Variants in AACS observed in about 807,000 individuals in gnomAD.
AACS encodes acetoacetyl-CoA synthetase.
AACS carries 69 observed loss-of-function variants against 83.1 expected under a neutral mutation model. The observed-to-expected ratio is 0.83, with a 90% CI of 0.68 to 1.01. The LOEUF (loss-of-function observed/expected upper bound fraction) is 1.01, where lower values mean the gene tolerates loss of function less well. Ranked by LOEUF, AACS falls within the 50% of genes least tolerant of loss-of-function variation. The pLI is 0.00. For missense variants in AACS, 866 were observed against 882.2 expected (o/e 0.98, Z 0.23); for synonymous variants, 333 against 343.4 (o/e 0.97, Z 0.33).
intron 10 of AACS, chr12:125,121,003 G>T (rs1258088280): frequency 6.6e-6 from 1 of 152,336 alleles, no homozygotes; most frequent in Admixed American, 6.5e-5. Flanking sequence ...GCATGTACCT[G>T]TGTACACGCG....
At chr12:125,071,932 A>G (rs1431695206) in intron 1 of AACS, among the ~76,000 whole-genome samples, 1 of 152,050 alleles carries the variant, frequency 6.6e-6, no homozygotes, top group Admixed American at 6.6e-5. Context: ...ATCTCGGCTC[A>G]CTGCAACCTC....
Position 125,142,615 on chromosome 12 carries a change from T to C in AACS, c.*386T>C. ...CCATTTTGCTCTGTGAAGGTGCAAATCCCTTTCTTCCCTTCCCATCTCAGG... is the reference window on the plus strand; with the variant it reads ...CCATTTTGCTCTGTGAAGGTGCAAACCCCTTTCTTCCCTTCCCATCTCAGG... On this transcript the variant is annotated 3_prime_UTR_variant, in exon 18 of 18. Transcript: ENST00000316519. 1 of 166,354 alleles carries C rather than the reference T, an allele frequency of 6.0e-6. No individual in the cohort carries two copies. 10.3% of individuals were successfully genotyped at this position (166,354 alleles called of 1,614,324 possible).
rs545097256 is a variant in AACS at position 125,081,858 on chromosome 12, C to G, written c.359-4472C>G. 2.4e-3 allele frequency among the ~76,000 whole-genome samples: 361 copies of G among 147,558 alleles called. 2 individuals are homozygous for G. Among genetic ancestry groups the G allele is most frequent in the Non-Finnish European group, 4.8e-3 (319 of 67,102 alleles). ...AAGGGCAGACGCGTACAACTCTAGGCAAATAGGAAAAAAAAAACGAGTTTT... is the reference window on the plus strand; with the variant it reads ...AAGGGCAGACGCGTACAACTCTAGGGAAATAGGAAAAAAAAAACGAGTTTT... On this transcript the variant is annotated intron_variant, in intron 3 of 17. Transcript: ENST00000316519.
At chr12:125,089,804 A>G (rs985471947) in intron 4 of AACS, among the ~76,000 whole-genome samples, 4 of 151,034 alleles carry the variant, frequency 2.6e-5, no homozygotes, top group African/African-American at 9.7e-5. Context: ...TCATCTACCC[A>G]TCCATCCATC....
chr12:125,078,613 G>T (rs1010800391), intron 3 of AACS, among the ~76,000 whole-genome samples: 2 of 152,182 alleles, frequency 1.3e-5, no homozygotes, highest in Admixed American at 6.5e-5. Flanking sequence ...CTGAAGTCAG[G>T]AGTTCGAGAC....
intron 5 of AACS, among the ~76,000 whole-genome samples, chr12:125,100,455 T>A (rs1477522254): frequency 2.6e-5 from 4 of 152,226 alleles, no homozygotes; most frequent in Admixed American, 2.6e-4. Context: ...TTCTGATAGA[T>A]CGTATGTTCT....
chr12:125,133,825 C>T (rs898787044), intron 14 of AACS, among the ~76,000 whole-genome samples, 178 bp from the exon 15 acceptor site: 11 of 152,212 alleles, frequency 7.2e-5, no homozygotes, highest in African/African-American at 1.2e-4. Context: ...GCAGCAGCCC[C>T]GCTAGAGGGC....
At chr12:125,125,475 G>A (rs2136126850) in intron 12 of AACS, among the ~76,000 whole-genome samples, 1 of 152,322 alleles carries the variant, frequency 6.6e-6, no homozygotes, top group African/African-American at 2.4e-5. Context: ...CAGGGAGGCT[G>A]TGTCGCCTTG....
At chr12:125,141,302 G>T in intron 17 of AACS, 1 of 152,924 alleles carries the variant, frequency 6.5e-6, no homozygotes. Flanking sequence ...GGGGTCAGTG[G>T]GGTGTCTGGA....
intron 5 of AACS, among the ~76,000 whole-genome samples, chr12:125,100,640 C>T (rs987768083): frequency 6.6e-6 from 1 of 152,198 alleles, no homozygotes; most frequent in Non-Finnish European, 1.5e-5. Flanking sequence ...CAGAAATTCT[C>T]AAATTTTATC....
Position 125,076,490 on chromosome 12 carries a change from G to T in AACS, c.238-1G>T, listed in dbSNP as rs777886245. Reference sequence around the variant, plus strand: ...TCTTGGTTTGTTGTCATTCTCTATAGGTTGTGGACACATCGAAAGGAATCG... The same window carrying T: ...TCTTGGTTTGTTGTCATTCTCTATATGTTGTGGACACATCGAAAGGAATCG... On this transcript the variant is annotated splice_acceptor_variant, in intron 2 of 17. Coordinates refer to ENST00000316519, the MANE Select transcript of AACS (RefSeq NM_023928.5). LOFTEE classifies it high-confidence loss of function. 1.5e-5 allele frequency: 25 copies of T among 1,613,942 alleles called. No homozygotes were observed. The highest frequency in any genetic ancestry group is 2.0e-5 in the Non-Finnish European group (24 of 1,179,934).
Position 125,073,995 on chromosome 12 carries a change from C to G in AACS, c.237+16C>G, listed in dbSNP as rs1437718882. 6.3e-7 allele frequency: 1 copy of G among 1,579,768 alleles called. No individual in the cohort carries two copies. Among genetic ancestry groups the G allele is most frequent in the South Asian group, 1.1e-5 (1 of 88,678 alleles). On this transcript the variant is annotated intron_variant, in intron 2 of 17. Transcript: ENST00000316519. ...GTATGATGAGGTAAGTAGAGATTTT[C>G]CGTGGATATCATCTCTTTTTGTGGT...
chr12:125,094,664 A>G lies in AACS; in HGVS notation c.570+3141A>G, dbSNP rs922049863. ...TACCCATTCCATGCTCTCTCCCACC[A>G]CTGCCCACCTCCTTCTGCCTGCTCT... On this transcript the variant is annotated intron_variant, in intron 5 of 17. Coordinates refer to ENST00000316519, the MANE Select transcript of AACS (RefSeq NM_023928.5). The surrounding 1 kb of genome is among the most constrained non-coding windows in gnomAD (Gnocchi z 4.1). 1.3e-5 allele frequency among the ~76,000 whole-genome samples: 2 copies of G among 151,908 alleles called. No homozygotes were observed. The highest frequency in any genetic ancestry group is 4.8e-5 in the African/African-American group (2 of 41,342).
intron 3 of AACS, among the ~76,000 whole-genome samples, chr12:125,082,259 C>T (rs1051453680): frequency 1.3e-5 from 2 of 151,266 alleles, no homozygotes; most frequent in African/African-American, 4.9e-5. Flanking sequence ...GTAGCCTTGA[C>T]CTCCTGGGCT....
intron 3 of AACS, among the ~76,000 whole-genome samples, chr12:125,078,681 C>T (rs1034850408): frequency 6.6e-6 from 1 of 151,940 alleles, no homozygotes; most frequent in Admixed American, 6.6e-5. Flanking sequence ...ATTAGCCAGG[C>T]GTGGTGGTGG....
chr12:125,070,104 A>C (rs1565919100), intron 1 of AACS, among the ~76,000 whole-genome samples: 1 of 152,192 alleles, frequency 6.6e-6, no homozygotes, highest in Non-Finnish European at 1.5e-5. Flanking sequence ...CTTTTGGATT[A>C]AGTAAAGGTT....
chr12:125,107,703 A>G lies in AACS; in HGVS notation c.915+435A>G, dbSNP rs115690180. 1.5e-3 allele frequency among the ~76,000 whole-genome samples: 232 copies of G among 152,346 alleles called. 1 individual carries two copies. Among genetic ancestry groups the G allele is most frequent in the African/African-American group, 5.4e-3 (223 of 41,586 alleles). On this transcript the variant is annotated intron_variant, in intron 8 of 17. Transcript: ENST00000316519. ...GTGCCAGACGCAATGGCCCACACCT[A>G]TAACCCCAGCACTTTGGGAACCTGA... is the stretch of plus-strand genomic sequence containing the variant.
At chr12:125,098,200 C>T (rs184558219) in intron 5 of AACS, among the ~76,000 whole-genome samples, 127 of 152,040 alleles carry the variant, frequency 8.4e-4, no homozygotes, top group African/African-American at 2.9e-3. Flanking sequence ...GAGGCAGAGG[C>T]GGATGGATCA....
chr12:125,142,143 G>C lies in AACS; in HGVS notation c.1933G>C (p.Gly645Arg), dbSNP rs1373727212. The C allele has an allele frequency of 6.2e-7, 1 of 1,614,156 alleles. No homozygotes were observed. Among genetic ancestry groups the C allele is most frequent in the South Asian group, 1.1e-5 (1 of 91,080 alleles). Reference sequence around the variant, plus strand: ...AGTTGCCGTCAAACAGATCATCGCTGGAAAAGCCGTGGAGCAAGGAGGTGC... The same window carrying C: ...AGTTGCCGTCAAACAGATCATCGCTCGAAAAGCCGTGGAGCAAGGAGGTGC... ...VEVAVKQIIAGKAVEQGGAFS... is the reference protein window; with the variant it reads ...VEVAVKQIIARKAVEQGGAFS... Residue 645 changes from glycine (G) to arginine (R), a missense_variant, in exon 18 of 18, where the codon GGA (glycine) becomes CGA (arginine). By Grantham distance (125) the Gly-to-Arg change is moderately radical (BLOSUM62 -2). Transcript: ENST00000316519.
Sources: allele counts gnomAD v4.1 joint callset (sites outside exome capture counted in the v4.1 genomes callset), GRCh38; gene constraint gnomAD v4.1.1; non-coding constraint Gnocchi (gnomAD v3.1); transcripts MANE v1.5; gene names NCBI Gene and HGNC (gene_info 2026-07-23, HGNC 2026-07-21).